PRDM7: variants seen among roughly 807,000 people sequenced by gnomAD.
The protein encoded by PRDM7 is PR/SET domain 7.
A neutral mutation model predicts 64.3 loss-of-function variants in PRDM7; 52 were observed. The observed-to-expected ratio is 0.81, with a 90% CI of 0.65 to 1.02. PRDM7 has a LOEUF of 1.02. PRDM7 is among the 50% of genes least tolerant of loss of function. The probability of loss-of-function intolerance (pLI) is 0.00; values close to 1 mark genes in which losing one functional copy is unlikely to be tolerated. For synonymous variants in PRDM7, 192 were observed against 210.1 expected, an observed-to-expected ratio of 0.91 and a Z score of 0.74; for missense variants, 574 against 597.1, an observed-to-expected ratio of 0.96 and a Z score of 0.40.
At chr16:90,072,956 C>T (rs1235051838) in intron 4 of PRDM7, among the ~76,000 whole-genome samples, 1 of 152,120 alleles carries the variant, frequency 6.6e-6, no homozygotes, top group Non-Finnish European at 1.5e-5. Context: ...AGACCCAATC[C>T]AAGTTGCTTT....
rs2151306586 is a variant in PRDM7 at position 90,062,068 on chromosome 16, C to T, written c.735G>A (p.Gly245=). The part of the protein sequence containing the change: ...PNRSALSLPP[G]LRIGPSGIPQ... ...GGATGCCTGATGGCCCAATTCTCAG[C>T]CCCGGGGGCAGACTGAGGGCTGAAC... Residue 245 remains glycine (G), a synonymous_variant, in exon 8 of 11, where the codon GGG becomes GGA. Transcript: ENST00000449207. The T allele has an allele frequency of 1.2e-6, 2 of 1,614,252 alleles. No homozygotes were observed. The highest frequency in any genetic ancestry group is 1.7e-6 in the Non-Finnish European group (2 of 1,180,044).
rs376215900 is a variant in PRDM7 at position 90,061,530 on chromosome 16, A to G, written c.883-11T>C. On this transcript the variant is annotated splice_polypyrimidine_tract_variant and intron_variant, in intron 8 of 10. Transcript: ENST00000449207. ...TCTCCCCTTGGTGATCTGAGTTTCA[A>G]AAAATAAGGTAAAGACTTTTTAGAG... The G allele has an allele frequency of 3.7e-5, 59 of 1,585,472 alleles. No individual in the cohort carries two copies. The African/African-American group carries it at 7.9e-4, about 21-fold the overall frequency.
intron 7 of PRDM7, 59 bp downstream of exon 7, chr16:90,062,342 G>A: frequency 6.2e-7 from 1 of 1,613,630 alleles, no homozygotes; most frequent in Non-Finnish European, 8.5e-7. Flanking sequence ...GCCAAATGAT[G>A]AAATTATTGT....
intron 1 of PRDM7, among the ~76,000 whole-genome samples, chr16:90,077,008 G>C (rs1192962329): frequency 6.6e-6 from 1 of 152,008 alleles, no homozygotes; most frequent in Admixed American, 6.6e-5. Context: ...GAATATTTGG[G>C]GATCTAAGCA....
At chr16:90,061,588 G>A (rs1233944478) in intron 8 of PRDM7, 69 bp from the exon 9 acceptor site, 12 of 1,512,490 alleles carry the variant, frequency 7.9e-6, no homozygotes, top group Non-Finnish European at 1.0e-5. Context: ...TTACTCCACG[G>A]TCATCAATGG....
chr16:90,066,252 C>T lies in PRDM7; in HGVS notation c.351+609G>A, dbSNP rs186479124. 2.0e-5 allele frequency among the ~76,000 whole-genome samples: 3 copies of T among 151,274 alleles called. No individual in the cohort carries two copies. The East Asian group carries it at 5.8e-4, about 29-fold the overall frequency. On this transcript the variant is annotated intron_variant, in intron 5 of 10. Transcript: ENST00000449207. ...ATGGGTCCCTTATGAGGGTAGGGAC[C>T]CTATCTTCTTCTGGTACCATCCACA... is the stretch of plus-strand genomic sequence containing the variant.
At chr16:90,064,119 T>C (rs1226696795) in intron 5 of PRDM7, among the ~76,000 whole-genome samples, 4 of 152,102 alleles carry the variant, frequency 2.6e-5, no homozygotes, top group Non-Finnish European at 5.9e-5. Context: ...AGACTTTTGA[T>C]GGAAGGGGAA....
At chr16:90,072,126 G>A (rs915662490) in intron 4 of PRDM7, among the ~76,000 whole-genome samples, 9 of 151,862 alleles carry the variant, frequency 5.9e-5, no homozygotes, top group African/African-American at 2.2e-4. Context: ...AGCTACTTGG[G>A]ATGCTGAGGC....
chr16:90,062,991 A>G (rs1039831471), intron 6 of PRDM7, among the ~76,000 whole-genome samples: 6 of 152,220 alleles, frequency 3.9e-5, no homozygotes, highest in African/African-American at 1.4e-4. Flanking sequence ...TAATTTAATG[A>G]TTTCAAACAA....
chr16:90,076,435 C>T (rs4785780), intron 1 of PRDM7, among the ~76,000 whole-genome samples: 75,980 of 146,120 alleles, frequency 0.52, 22,152 homozygotes, highest in Middle Eastern at 0.79. Context: ...GGATCTCTAC[C>T]TGGGGATTCT....
At chr16:90,072,527 C>G (rs889648478) in intron 4 of PRDM7, among the ~76,000 whole-genome samples, 2 of 152,126 alleles carry the variant, frequency 1.3e-5, no homozygotes, top group Admixed American at 6.6e-5. Flanking sequence ...TATGAGGTAT[C>G]TAAAGTAACC....
At chr16:90,063,362 G>A (rs141181339) in intron 6 of PRDM7, among the ~76,000 whole-genome samples, 11 of 151,802 alleles carry the variant, frequency 7.2e-5, no homozygotes, top group South Asian at 4.2e-4. Context: ...CGCTATTTTC[G>A]TGGAGGCAGA....
chr16:90,075,598 T>C lies in PRDM7; in HGVS notation c.70-124A>G. ...GAGTCTCTGTGAAACATAAAGACCT[T>C]CCCTCCTTCTCCAGATTGTGTCCTG... On this transcript the variant is annotated intron_variant, in intron 2 of 10. Transcript: ENST00000449207. This position sits in a 1 kb window ranked among gnomAD's most constrained non-coding sequence, Gnocchi z 4.3. The C allele has an allele frequency of 6.7e-7, 1 of 1,499,266 alleles. No individual in the cohort carries two copies. Among genetic ancestry groups the C allele is most frequent in the South Asian group, 1.1e-5 (1 of 87,470 alleles). The allele number at this position is 1,499,266 out of a possible 1,614,324, so 92.9% of individuals were successfully genotyped here.
In PRDM7 at chr16:90,058,000, G is replaced by GC. The variant is rs1431876509; in HGVS notation, c.*288dup. ...TGAGGAGGTCTGACTTCCGGCTAAA[G>GC]CCCTCCCACACTCTCTGCAGACGTA... On this transcript the variant is annotated 3_prime_UTR_variant, in exon 11 of 11. Coordinates refer to ENST00000449207, the MANE Select transcript of PRDM7 (RefSeq NM_001098173.2). 1.2e-6 allele frequency: 2 copies of GC among 1,606,786 alleles called. No individual in the cohort carries two copies. The highest frequency in any genetic ancestry group is 2.2e-5 in the South Asian group (2 of 90,948).
Position 90,075,372 on chromosome 16 carries a change from A to C in PRDM7, c.172T>G (p.Tyr58Asp), listed in dbSNP as rs756634797. The C allele has an allele frequency of 6.2e-7, 1 of 1,614,100 alleles. No individual in the cohort carries two copies. Among genetic ancestry groups the C allele is most frequent in the Non-Finnish European group, 8.5e-7 (1 of 1,180,040 alleles). Residue 58 changes from tyrosine (Y) to aspartate (D), a missense_variant, in exon 3 of 11, where the codon TAT becomes GAT. Tyr to Asp is a radical substitution (Grantham distance 160). Transcript: ENST00000449207. This position sits in a 1 kb window ranked among gnomAD's most constrained non-coding sequence, Gnocchi z 4.3. ...KTRYRNVKMN[Y>D]NALITVGLRA... ...TTACCTACAGTAATCAGTGCATTAT[A>C]GTTCATTTTCACATTCCTATAGCGA...
chr16:90,073,164 A>C (rs1161680191), intron 4 of PRDM7, among the ~76,000 whole-genome samples: 1 of 152,220 alleles, frequency 6.6e-6, no homozygotes, highest in Admixed American at 6.5e-5. Context: ...AATCGAGACA[A>C]AGAAGTAGAT....
At position 90,075,439 on chromosome 16, in the gene PRDM7, G is replaced by T. The variant is rs774668290; in HGVS notation, c.105C>A (p.Phe35Leu). The T allele has an allele frequency of 6.2e-7, 1 of 1,614,174 alleles. No homozygotes were observed. The highest frequency in any genetic ancestry group is 2.2e-5 in the East Asian group (1 of 44,880). The stretch of plus-strand genomic sequence containing the variant: ...CCATTTCTGCCCATTCTTCCTTGGT[G>T]AAGTATATGGAAATGTCTTTGAAGG... ...KDAFKDISIYFTKEEWAEMGD... is the reference protein window; with the variant it reads ...KDAFKDISIYLTKEEWAEMGD... The change falls in exon 3 of 11, where the codon TTC becomes TTA. Residue 35 changes from phenylalanine (F) to leucine (L), a missense_variant. Physicochemically the swap from Phe to Leu is conservative, Grantham distance 22. Transcript: ENST00000449207. The surrounding 1 kb of genome is among the most constrained non-coding windows in gnomAD (Gnocchi z 4.3).
At position 90,058,121 on chromosome 16, in the gene PRDM7, T is replaced by C. The variant is rs1567873607; in HGVS notation, c.*168A>G. 41 of 1,614,076 alleles carry C rather than the reference T, an allele frequency of 2.5e-5. No individual in the cohort carries two copies. The highest frequency in any genetic ancestry group is 3.4e-5 in the Non-Finnish European group (40 of 1,180,018). On this transcript the variant is annotated 3_prime_UTR_variant, in exon 11 of 11. Transcript: ENST00000449207. ...TCTCCATATTTGACTTTCGCAATTC[T>C]TGAGATTCCTACCCCCACAAATAAT...
chr16:90,075,111 A>T lies in PRDM7; in HGVS notation c.194-88T>A. On this transcript the variant is annotated intron_variant, in intron 3 of 10. Coordinates refer to ENST00000449207, the MANE Select transcript of PRDM7 (RefSeq NM_001098173.2). The surrounding 1 kb of genome is among the most constrained non-coding windows in gnomAD (Gnocchi z 4.3). ...TGGCAATGGAAAGCACCACAAAGCC[A>T]GTGCTGCTCAGTCTGATGAGCTGGG... 2 of 1,423,488 alleles carry T rather than the reference A, an allele frequency of 1.4e-6. No homozygotes were observed. The highest frequency in any genetic ancestry group is 2.0e-6 in the Non-Finnish European group (2 of 1,015,160). The allele number at this position is 1,423,488 out of a possible 1,614,324, so 88.2% of individuals were successfully genotyped here.
Sources: gnomAD v4.1 joint callset for allele counts (sites outside exome capture counted in the v4.1 genomes callset) on GRCh38, gnomAD v4.1.1 for gene constraint, Gnocchi (gnomAD v3.1) non-coding constraint, MANE v1.5 for transcripts, NCBI Gene and HGNC (gene_info 2026-07-23, HGNC 2026-07-21) for gene names.